The following CAMK1D variants were observed in gnomAD, a reference collection of about 807,000 sequenced individuals.
CAMK1D encodes calcium/calmodulin dependent protein kinase ID.
Under a neutral mutation model 47.7 loss-of-function variants are expected in CAMK1D, and 9 were observed. That is an observed-to-expected ratio of 0.19 (90% CI 0.11 to 0.33). The LOEUF is 0.33. Ranked by LOEUF, CAMK1D falls within the 10% of genes least tolerant of loss-of-function variation. The pLI, the probability that CAMK1D is intolerant of heterozygous loss-of-function variation, is 1.00. For synonymous variants in CAMK1D, 184 were observed against 184.9 expected (o/e 0.99, Z 0.04); for missense variants, 291 against 488.7 (o/e 0.60, Z 3.81).
chr10:12,355,611 A>T (rs1439008129), intron 1 of CAMK1D, among the ~76,000 whole-genome samples: 1 of 152,082 alleles, frequency 6.6e-6, no homozygotes, highest in African/African-American at 2.4e-5. Flanking sequence ...CGTGAGAAGC[A>T]TTAGGAAGAA....
intron 5 of CAMK1D, among the ~76,000 whole-genome samples, chr10:12,780,605 A>G (rs1443028985): frequency 1.3e-5 from 2 of 152,030 alleles, no homozygotes; most frequent in South Asian, 2.1e-4. Flanking sequence ...ATCTTTCCCC[A>G]TAGCGCCTCT....
intron 1 of CAMK1D, among the ~76,000 whole-genome samples, chr10:12,371,617 G>C (rs10082537): frequency 0.096 from 14,505 of 150,558 alleles, 880 homozygotes; most frequent in East Asian, 0.25. Flanking sequence ...AACTTTTTTG[G>C]CTAGGCACAG....
At chr10:12,639,171 C>T (rs971063175) in intron 2 of CAMK1D, among the ~76,000 whole-genome samples, 5 of 152,228 alleles carry the variant, frequency 3.3e-5, no homozygotes, top group African/African-American at 1.2e-4. Flanking sequence ...CCTGCTTTAG[C>T]AATATAGAGA....
chr10:12,701,826 T>C (rs2130722593), intron 3 of CAMK1D, among the ~76,000 whole-genome samples: 1 of 152,346 alleles, frequency 6.6e-6, no homozygotes, highest in South Asian at 2.1e-4. Flanking sequence ...TTCTCATCCA[T>C]GTACTATTGG....
intron 2 of CAMK1D, among the ~76,000 whole-genome samples, chr10:12,619,665 T>A (rs979874639): frequency 4.4e-4 from 67 of 152,170 alleles, no homozygotes; most frequent in African/African-American, 1.5e-3. Flanking sequence ...TCACATACAA[T>A]TATAAGAAAT....
chr10:12,781,413 C>T (rs117745985), intron 5 of CAMK1D, among the ~76,000 whole-genome samples: 3,550 of 152,296 alleles, frequency 0.023, 64 homozygotes, highest in Middle Eastern at 0.034. Flanking sequence ...TCCTCCATCC[C>T]GCGGAGTTCC....
intron 3 of CAMK1D, among the ~76,000 whole-genome samples, chr10:12,673,378 A>G (rs962412259): frequency 2.6e-5 from 4 of 152,050 alleles, no homozygotes; most frequent in Non-Finnish European, 4.4e-5. Context: ...TACTTGTTCA[A>G]TTTATTCTGA....
At chr10:12,809,672 T>G (rs1209502700) in intron 6 of CAMK1D, among the ~76,000 whole-genome samples, 2 of 152,164 alleles carry the variant, frequency 1.3e-5, no homozygotes, top group East Asian at 3.8e-4. Flanking sequence ...TTATACAAAG[T>G]ATCTAGAATA....
chr10:12,799,013 C>A (rs1381781309), intron 6 of CAMK1D, among the ~76,000 whole-genome samples: 1 of 152,036 alleles, frequency 6.6e-6, no homozygotes, highest in Non-Finnish European at 1.5e-5. Flanking sequence ...CAATAGCAAG[C>A]GGGTGGCTTC....
chr10:12,722,035 A>G (rs923389788), intron 3 of CAMK1D, among the ~76,000 whole-genome samples: 4 of 152,036 alleles, frequency 2.6e-5, no homozygotes, highest in Non-Finnish European at 4.4e-5. Context: ...CCCATTCACA[A>G]TGGCTCCACC....
At chr10:12,709,650 C>G (rs542710567) in intron 3 of CAMK1D, among the ~76,000 whole-genome samples, 1 of 152,088 alleles carries the variant, frequency 6.6e-6, no homozygotes, top group East Asian at 1.9e-4. Flanking sequence ...ATCTGTCACC[C>G]GATATCTTGT....
intron 3 of CAMK1D, among the ~76,000 whole-genome samples, chr10:12,686,707 A>G (rs1023139174): frequency 2.1e-4 from 32 of 152,304 alleles, no homozygotes; most frequent in Admixed American, 3.9e-4. Context: ...GGAGGAATAT[A>G]TAGAAAACTG....
At chr10:12,573,039 T>C (rs1837375073) in intron 2 of CAMK1D, among the ~76,000 whole-genome samples, 1 of 152,216 alleles carries the variant, frequency 6.6e-6, no homozygotes, top group South Asian at 2.1e-4. Context: ...TCATTTAATC[T>C]GGGAGAATGC....
intron 1 of CAMK1D, among the ~76,000 whole-genome samples, chr10:12,524,428 C>G (rs1417724482): frequency 6.6e-6 from 1 of 152,096 alleles, no homozygotes; most frequent in Non-Finnish European, 1.5e-5. Context: ...ATCATTTTGA[C>G]CAGGCGCGGT....
Position 12,764,394 on chromosome 10 carries a change from A to AAAAAAAC in CAMK1D, c.438+3312_438+3313insAACAAAA, listed in dbSNP as rs1554822781. Among the ~76,000 whole-genome samples, 157 of 151,548 alleles carry AAAAAAAC rather than the reference A, an allele frequency of 1.0e-3. 4 individuals are homozygous for AAAAAAAC. The highest frequency in any genetic ancestry group is 3.4e-3 in the African/African-American group (141 of 41,322). On this transcript the variant is annotated intron_variant, in intron 4 of 10. Coordinates refer to ENST00000619168, the MANE Select transcript of CAMK1D (RefSeq NM_153498.4). ...GACACTTTGTCTCAAAAAAAAAAAA[A>AAAAAAAC]AAAACATTGATCTAAACTGTGAATG...
At chr10:12,440,596 G>T (rs2768361) in intron 1 of CAMK1D, among the ~76,000 whole-genome samples, 1 of 152,146 alleles carries the variant, frequency 6.6e-6, no homozygotes, top group African/African-American at 2.4e-5. Flanking sequence ...CCAGATACCT[G>T]TTTTTTTGTT....
intron 2 of CAMK1D, among the ~76,000 whole-genome samples, chr10:12,632,320 C>T (rs1290320176): frequency 6.6e-6 from 1 of 152,058 alleles, no homozygotes; most frequent in Admixed American, 6.5e-5. Context: ...GACTTCCAGG[C>T]AGGGGAATAG....
At chr10:12,687,924 A>G (rs995082714) in intron 3 of CAMK1D, among the ~76,000 whole-genome samples, 2 of 152,204 alleles carry the variant, frequency 1.3e-5, no homozygotes, top group African/African-American at 4.8e-5. Flanking sequence ...GCCCAAGAAC[A>G]GCATGTTTCA....
At chr10:12,445,840 G>T (rs1321801705) in intron 1 of CAMK1D, among the ~76,000 whole-genome samples, 1 of 152,106 alleles carries the variant, frequency 6.6e-6, no homozygotes, top group Non-Finnish European at 1.5e-5. Flanking sequence ...ACTATGTTTT[G>T]AAAGTCAGTT....
Sources: gnomAD v4.1 joint callset for allele counts (sites outside exome capture counted in the v4.1 genomes callset) on GRCh38, gnomAD v4.1.1 for gene constraint, MANE v1.5 for transcripts, NCBI Gene and HGNC (gene_info 2026-07-23, HGNC 2026-07-21) for gene names.